Variants in SNTG1 observed in about 807,000 individuals in gnomAD.
SNTG1 encodes the protein syntrophin gamma 1.
Under a neutral mutation model 74.7 loss-of-function variants are expected in SNTG1, and 39 were observed. That is an observed-to-expected ratio of 0.52 (90% confidence interval 0.40 to 0.68). SNTG1 has a LOEUF of 0.68. Among genes scored for constraint, SNTG1 ranks in the 30% least tolerant of loss-of-function variants. The pLI, the probability that SNTG1 is intolerant of heterozygous loss-of-function variation, is 0.00. For missense variants in SNTG1, 685 were observed against 609.5 expected, an observed-to-expected ratio of 1.12 and a Z score of -1.30; for synonymous variants, 254 against 217.1, an observed-to-expected ratio of 1.17 and a Z score of -1.49.
intron 1 of SNTG1, among the ~76,000 whole-genome samples, chr8:50,159,955 A>G (rs1407335706): frequency 6.6e-6 from 1 of 152,210 alleles, no homozygotes; most frequent in Non-Finnish European, 1.5e-5. Flanking sequence ...ACTGAAAAAT[A>G]TACCCAATTA....
At chr8:50,408,129 T>C (rs572270766) in intron 4 of SNTG1, among the ~76,000 whole-genome samples, 5 of 152,190 alleles carry the variant, frequency 3.3e-5, no homozygotes, top group South Asian at 4.1e-4. Context: ...TTTATGCCTA[T>C]GTCTTAGCAG....
chr8:50,402,235 A>G lies in SNTG1; in HGVS notation c.53A>G (p.Gln18Arg), dbSNP rs533514499. Residue 18 changes from glutamine to arginine, a missense_variant, in exon 4 of 19, where the codon CAG (glutamine) becomes CGG (arginine). Gln to Arg is a conservative substitution (Grantham distance 43, BLOSUM62 1). Transcript: ENST00000642720. The part of the protein sequence containing the change: ...EETKTGICLL[Q>R]DGNQEPFKVR... Reference sequence around the variant, plus strand: ...ACAAAGACAGGAATTTGTTTGCTGCAGGATGGTAACCAGGAGCCTTTCAAA... The same window carrying G: ...ACAAAGACAGGAATTTGTTTGCTGCGGGATGGTAACCAGGAGCCTTTCAAA... The G allele has an allele frequency of 1.2e-6, 2 of 1,603,236 alleles. No individual in the cohort carries two copies. Among genetic ancestry groups the G allele is most frequent in the Non-Finnish European group, 1.7e-6 (2 of 1,177,310 alleles).
At chr8:50,178,255 C>A (rs1319346522) in intron 2 of SNTG1, among the ~76,000 whole-genome samples, 3 of 152,126 alleles carry the variant, frequency 2.0e-5, no homozygotes, top group Non-Finnish European at 4.4e-5. Flanking sequence ...TCCAATGTGG[C>A]AAAACCATTT....
chr8:50,718,632 A>G (rs2095480424), intron 17 of SNTG1, among the ~76,000 whole-genome samples: 2 of 152,158 alleles, frequency 1.3e-5, no homozygotes. Flanking sequence ...ATTCTATTTT[A>G]GTCTCTGTAT....
chr8:50,575,298 A>T (rs1175430431), intron 12 of SNTG1, among the ~76,000 whole-genome samples: 3 of 152,188 alleles, frequency 2.0e-5, no homozygotes, highest in African/African-American at 7.2e-5. Context: ...GTTCACATTA[A>T]CTTTTCTACT....
At chr8:50,334,487 C>T (rs867774189) in intron 2 of SNTG1, among the ~76,000 whole-genome samples, 9 of 150,224 alleles carry the variant, frequency 6.0e-5, no homozygotes, top group African/African-American at 2.2e-4. Flanking sequence ...GGGATTTTGT[C>T]CTCATTTATA....
At chr8:50,509,901 C>G (rs2094050495) in intron 9 of SNTG1, among the ~76,000 whole-genome samples, 1 of 152,062 alleles carries the variant, frequency 6.6e-6, no homozygotes, top group Admixed American at 6.6e-5. Flanking sequence ...AATTGAATAC[C>G]CTTTATTTCC....
intron 9 of SNTG1, among the ~76,000 whole-genome samples, chr8:50,524,531 G>T (rs1054579153): frequency 6.6e-6 from 1 of 151,974 alleles, no homozygotes; most frequent in Non-Finnish European, 1.5e-5. Context: ...AATACAACTT[G>T]TTATATTTTA....
At chr8:49,974,351 C>T (rs1403010804) in intron 1 of SNTG1, among the ~76,000 whole-genome samples, 1 of 152,132 alleles carries the variant, frequency 6.6e-6, no homozygotes, top group Non-Finnish European at 1.5e-5. Flanking sequence ...ATTTTATTTG[C>T]TTCTTTGGAC....
rs1373055842 is a variant in SNTG1 at position 50,657,122 on chromosome 8, A to T, written c.966+97A>T. On this transcript the variant is annotated intron_variant, in intron 14 of 18. Coordinates refer to ENST00000642720, the MANE Select transcript of SNTG1 (RefSeq NM_018967.5). ...CAAATAGTATACCATCAATATTTTT[A>T]AAAAATAATATAGAGAAAAAGTAGA... The T allele has an allele frequency of 2.8e-4, 158 of 559,652 alleles. 1 individual carries two copies. The East Asian group carries it at 5.1e-3, about 18-fold the overall frequency. The allele number at this position is 559,652 out of a possible 1,614,324, so 34.7% of individuals were successfully genotyped here. A position where few individuals can be genotyped will look rare whatever the true frequency, so the allele number is the denominator to read the frequency against.
chr8:50,350,661 G>A (rs2091629151), intron 2 of SNTG1, among the ~76,000 whole-genome samples: 1 of 152,092 alleles, frequency 6.6e-6, no homozygotes, highest in Non-Finnish European at 1.5e-5. Flanking sequence ...CCTGTGTCTA[G>A]CTCAGGGTTT....
chr8:50,291,211 G>A (rs1439171368), intron 2 of SNTG1, among the ~76,000 whole-genome samples: 1 of 148,284 alleles, frequency 6.7e-6, no homozygotes, highest in African/African-American at 2.5e-5. Flanking sequence ...ACAGACTTAT[G>A]TGTTTATATA....
intron 1 of SNTG1, among the ~76,000 whole-genome samples, chr8:50,091,169 C>T (rs1182616790): frequency 1.3e-5 from 2 of 151,684 alleles, no homozygotes; most frequent in Admixed American, 1.3e-4. Context: ...TTTCTTTTTT[C>T]TTATTTATAT....
intron 8 of SNTG1, among the ~76,000 whole-genome samples, chr8:50,460,708 G>C (rs2093553145): frequency 6.6e-6 from 1 of 152,036 alleles, no homozygotes; most frequent in African/African-American, 2.4e-5. Context: ...CATATGACTA[G>C]CTAGCTATTC....
Position 50,152,738 on chromosome 8 carries a change from ACT to A in SNTG1, c.-102-19818_-102-19817del, listed in dbSNP as rs2082112932. Among the ~76,000 whole-genome samples the A allele has an allele frequency of 2.6e-5, 4 of 152,196 alleles. No individual in the cohort carries two copies. The South Asian group carries it at 8.3e-4, about 32-fold the overall frequency. Reference sequence around the variant, plus strand: ...TTAAGAATGTTGAATATTGGCCCCCACTCTCTTCTGGCTTGTAGTTTCTGCCG... The same window carrying A: ...TTAAGAATGTTGAATATTGGCCCCCACTCTTCTGGCTTGTAGTTTCTGCCG... On this transcript the variant is annotated intron_variant, in intron 1 of 18. Coordinates refer to ENST00000642720, the MANE Select transcript of SNTG1 (RefSeq NM_018967.5).
chr8:49,985,814 A>G lies in SNTG1; in HGVS notation c.-103+73583A>G, dbSNP rs147610973. On this transcript the variant is annotated intron_variant, in intron 1 of 18. Coordinates refer to ENST00000642720, the MANE Select transcript of SNTG1 (RefSeq NM_018967.5). The stretch of plus-strand genomic sequence containing the variant: ...TTTTAAACTTTGATTATATTTATAG[A>G]CACCTGTTTGGCATTCATTCCATGA... 2.0e-4 allele frequency among the ~76,000 whole-genome samples: 30 copies of G among 152,254 alleles called. No individual in the cohort carries two copies. In the East Asian group the frequency reaches 3.9e-3, roughly 20 times the overall value.
intron 18 of SNTG1, among the ~76,000 whole-genome samples, chr8:50,769,889 A>G (rs1006928542): frequency 3.9e-5 from 6 of 152,114 alleles, no homozygotes; most frequent in Non-Finnish European, 8.8e-5. Context: ...AAAGAACCTA[A>G]AAGATTTTGA....
At chr8:50,565,495 G>C (rs1316827388) in intron 12 of SNTG1, among the ~76,000 whole-genome samples, 3 of 151,892 alleles carry the variant, frequency 2.0e-5, no homozygotes, top group African/African-American at 7.2e-5. Context: ...ATATTAAAAA[G>C]TTTACTTAAA....
intron 3 of SNTG1, among the ~76,000 whole-genome samples, chr8:50,395,786 C>T (rs546383204): frequency 1.3e-5 from 2 of 152,282 alleles, no homozygotes; most frequent in African/African-American, 4.8e-5. Context: ...GCTGGGATTA[C>T]AGGCGTGAGC....
Sources: gnomAD v4.1 joint callset for allele counts (sites outside exome capture counted in the v4.1 genomes callset) on GRCh38, gnomAD v4.1.1 for gene constraint, MANE v1.5 for transcripts, NCBI Gene and HGNC (gene_info 2026-07-23, HGNC 2026-07-21) for gene names.